Variants in CDC27 observed in about 807,000 individuals in gnomAD.
The protein encoded by CDC27 is cell division cycle protein 27 homolog.
CDC27 carries 27 observed loss-of-function variants against 109.7 expected under a neutral mutation model. That is an observed-to-expected ratio of 0.25 (90% CI 0.18 to 0.34). CDC27 has a LOEUF of 0.34. CDC27 is among the 10% of genes least tolerant of loss of function. The pLI is 1.00. For synonymous variants in CDC27, 266 were observed against 333.9 expected, an observed-to-expected ratio of 0.80 and a Z score of 2.22; for missense variants, 579 against 960.2, an observed-to-expected ratio of 0.60 and a Z score of 5.25.
In CDC27 at chr17:47,124,178, AAC is replaced by A. The variant is rs59790354; in HGVS notation, c.2161-220_2161-219del. ...ATGGCAGGCACTCTAGTACACTGAA[AAC>A]ACACACACACACACACACACACACA... is the stretch of plus-strand genomic sequence containing the variant. On this transcript the variant is annotated intron_variant, in intron 16 of 18. Transcript: ENST00000066544. 4.8e-3 allele frequency among the ~76,000 whole-genome samples: 700 copies of A among 144,482 alleles called. 1 individual carries two copies. The highest frequency in any genetic ancestry group is 7.0e-3 in the Middle Eastern group (2 of 286). The allele number at this position is 144,482 out of a possible 152,430, so 94.8% of individuals were successfully genotyped here.
intron 1 of CDC27, among the ~76,000 whole-genome samples, chr17:47,182,726 T>A (rs968108812): frequency 6.6e-6 from 1 of 152,192 alleles, no homozygotes. Flanking sequence ...TATAAACATA[T>A]CAAAATCCAA....
intron 2 of CDC27, among the ~76,000 whole-genome samples, chr17:47,179,301 A>G (rs2064135686): frequency 6.6e-6 from 1 of 151,476 alleles, no homozygotes; most frequent in African/African-American, 2.4e-5. Context: ...CTGAGCAAAC[A>G]GGTTACATCT....
chr17:47,163,574 C>T (rs1045623892), intron 4 of CDC27, among the ~76,000 whole-genome samples: 1 of 152,142 alleles, frequency 6.6e-6, no homozygotes, highest in Middle Eastern at 3.4e-3. Context: ...CATCCATATT[C>T]CTCTGAAGAA....
At chr17:47,159,359 C>G (rs2063419817) in intron 4 of CDC27, 2 of 802,856 alleles carry the variant, frequency 2.5e-6, no homozygotes, top group African/African-American at 3.6e-5. Context: ...CAAAGGTGGC[C>G]TTGGTGAAGT....
chr17:47,182,308 A>T (rs1022376898), intron 1 of CDC27, among the ~76,000 whole-genome samples: 1 of 152,262 alleles, frequency 6.6e-6, no homozygotes, highest in Admixed American at 6.5e-5. Context: ...ATTACAAAAC[A>T]TATAACCTAA....
chr17:47,169,734 A>T (rs979023733), intron 4 of CDC27, 183 bp downstream of exon 4: 3 of 394,176 alleles, frequency 7.6e-6, no homozygotes, highest in African/African-American at 2.1e-5. Context: ...ATTATCAGTA[A>T]GGATAAGTGG....
At chr17:47,133,498 G>A (rs1178160703) in intron 14 of CDC27, among the ~76,000 whole-genome samples, 1 of 149,960 alleles carries the variant, frequency 6.7e-6, no homozygotes, top group Non-Finnish European at 1.5e-5. Flanking sequence ...GTAGTGCAAT[G>A]GCATGATCAC....
At chr17:47,187,880 G>A (rs2064508143) in intron 1 of CDC27, among the ~76,000 whole-genome samples, 1 of 151,220 alleles carries the variant, frequency 6.6e-6, no homozygotes, top group Non-Finnish European at 1.5e-5. Flanking sequence ...AAACTATACT[G>A]GTAAAAAGAA....
At chr17:47,178,571 C>T (rs982418765) in intron 2 of CDC27, among the ~76,000 whole-genome samples, 1 of 147,292 alleles carries the variant, frequency 6.8e-6, no homozygotes, top group African/African-American at 2.5e-5. Flanking sequence ...AAAAAAAACC[C>T]TGAAAAGTCA....
intron 7 of CDC27, among the ~76,000 whole-genome samples, chr17:47,155,479 CAAG>C (rs1370015720): frequency 3.9e-5 from 6 of 152,120 alleles, no homozygotes; most frequent in Non-Finnish European, 5.9e-5. Context: ...CTCCTGGTCT[CAAG>C]TGATCTGCCC....
intron 16 of CDC27, among the ~76,000 whole-genome samples, chr17:47,124,256 C>T (rs68100136): frequency 0.11 from 16,138 of 148,260 alleles, 1,276 homozygotes; most frequent in East Asian, 0.47. Context: ...TGCTTTTGGT[C>T]ATCTATCTAT....
chr17:47,120,699 C>T lies in CDC27; in HGVS notation c.*236G>A. The T allele has an allele frequency of 2.5e-6, 1 of 406,912 alleles. No individual in the cohort carries two copies. Among genetic ancestry groups the T allele is most frequent in the East Asian group, 3.6e-5 (1 of 27,634 alleles). The allele number at this position is 406,912 out of a possible 1,614,324, so 25.2% of individuals were successfully genotyped here. Reference sequence around the variant, plus strand: ...AAAAACAGAAAAGAAAGTTCCCCACCCTACCCCCCATAAATTGTCATTCAT... The same window carrying T: ...AAAAACAGAAAAGAAAGTTCCCCACTCTACCCCCCATAAATTGTCATTCAT... On this transcript the variant is annotated 3_prime_UTR_variant, in exon 19 of 19. Transcript: ENST00000066544.
At chr17:47,147,617 C>T (rs564604928) in intron 9 of CDC27, among the ~76,000 whole-genome samples, 59 of 149,988 alleles carry the variant, frequency 3.9e-4, no homozygotes, top group Admixed American at 3.2e-3. Flanking sequence ...TCATGCCTGT[C>T]GGCCCAGCAC....
At chr17:47,149,068 ACT>A (rs1327415648) in intron 9 of CDC27, among the ~76,000 whole-genome samples, 5 of 138,476 alleles carry the variant, frequency 3.6e-5, no homozygotes, top group Non-Finnish European at 6.2e-5. Flanking sequence ...AACAAGCAAG[ACT>A]CTGTCTCAAA....
At chr17:47,149,328 T>C (rs2063078876) in intron 9 of CDC27, among the ~76,000 whole-genome samples, 1 of 151,016 alleles carries the variant, frequency 6.6e-6, no homozygotes, top group African/African-American at 2.4e-5. Flanking sequence ...CTGGCCAACA[T>C]GGTGAAACCC....
chr17:47,139,226 C>G (rs966681731), intron 12 of CDC27, among the ~76,000 whole-genome samples: 3 of 151,722 alleles, frequency 2.0e-5, no homozygotes, highest in African/African-American at 7.3e-5. Context: ...TTCTCAAAAA[C>G]CTCATTTCCA....
intron 14 of CDC27, among the ~76,000 whole-genome samples, chr17:47,133,050 CACACATACATAT>C (rs1343923918): frequency 8.2e-5 from 5 of 60,708 alleles, no homozygotes; most frequent in African/African-American, 1.1e-4. Context: ...CACACACACA[CACACATACATAT>C]ACACACACAC....
chr17:47,168,172 T>C lies in CDC27; in HGVS notation c.377+1745A>G, dbSNP rs193150560. 1.2e-4 allele frequency among the ~76,000 whole-genome samples: 18 copies of C among 152,246 alleles called. No homozygotes were observed. The East Asian group carries it at 3.5e-3, about 29-fold the overall frequency. On this transcript the variant is annotated intron_variant, in intron 4 of 18. Transcript: ENST00000066544. Reference sequence around the variant, plus strand: ...TACTGATTAAACCATTGGCTGTTGGTGATAATCTTATCACCAATTTAATGG... The same window carrying C: ...TACTGATTAAACCATTGGCTGTTGGCGATAATCTTATCACCAATTTAATGG...
chr17:47,165,078 A>G (rs964491858), intron 4 of CDC27, among the ~76,000 whole-genome samples: 3 of 152,222 alleles, frequency 2.0e-5, no homozygotes, highest in Non-Finnish European at 1.5e-5. Flanking sequence ...ATGGAATTAT[A>G]GAAACTTCTG....
Sources: gnomAD v4.1 joint callset for allele counts (sites outside exome capture counted in the v4.1 genomes callset) on GRCh38, gnomAD v4.1.1 for gene constraint, MANE v1.5 for transcripts, NCBI Gene and HGNC (gene_info 2026-07-23, HGNC 2026-07-21) for gene names.